The following RNF130 variants were observed in gnomAD, a reference collection of about 807,000 sequenced individuals.
The protein encoded by RNF130 is ring finger protein 130.
RNF130 carries 21 observed loss-of-function variants against 44.6 expected under a neutral mutation model. The observed-to-expected ratio is 0.47, with a 90% CI of 0.33 to 0.68. The LOEUF is 0.68. Among genes scored for constraint, RNF130 ranks in the 30% least tolerant of loss-of-function variants. RNF130 has a pLI of 0.02. For missense variants in RNF130, 479 were observed against 560.6 expected, an observed-to-expected ratio of 0.85 and a Z score of 1.47; for synonymous variants, 214 against 210.4, an observed-to-expected ratio of 1.02 and a Z score of -0.15.
intron 5 of RNF130, 27 bp from the exon 6 acceptor site, chr5:179,970,533 CA>C: frequency 6.5e-7 from 1 of 1,542,898 alleles, no homozygotes; most frequent in South Asian, 1.2e-5. Flanking sequence ...AATTATGTCA[CA>C]AGTTACATAC....
At chr5:179,945,775 G>A (rs1196232701) in intron 7 of RNF130, among the ~76,000 whole-genome samples, 1 of 152,098 alleles carries the variant, frequency 6.6e-6, no homozygotes, top group Non-Finnish European at 1.5e-5. Context: ...TAAATACTAC[G>A]CGCCGCTGCA....
intron 5 of RNF130, among the ~76,000 whole-genome samples, chr5:179,970,865 A>G (rs1762564829): frequency 6.6e-6 from 1 of 152,234 alleles, no homozygotes; most frequent in South Asian, 2.1e-4. Context: ...AGAAAAATGG[A>G]GTTTCAAAAA....
At chr5:179,974,041 G>A (rs191092336) in intron 5 of RNF130, among the ~76,000 whole-genome samples, 2 of 152,198 alleles carry the variant, frequency 1.3e-5, no homozygotes, top group Admixed American at 1.3e-4. Context: ...GGGAGGGGAG[G>A]CCTCTATATT....
chr5:180,048,818 A>G (rs11249665), intron 1 of RNF130, among the ~76,000 whole-genome samples: 1 of 152,120 alleles, frequency 6.6e-6, no homozygotes, highest in East Asian at 1.9e-4. Flanking sequence ...CCAGCAGCAA[A>G]TGAAGTCACA....
chr5:179,927,750 C>T (rs1283864814), intron 7 of RNF130, among the ~76,000 whole-genome samples: 1 of 151,756 alleles, frequency 6.6e-6, no homozygotes, highest in African/African-American at 2.4e-5. Flanking sequence ...CCACGCCTGG[C>T]TAATTTTTTT....
chr5:180,031,507 G>T (rs1000822755), intron 2 of RNF130, among the ~76,000 whole-genome samples: 1 of 152,206 alleles, frequency 6.6e-6, no homozygotes, highest in African/African-American at 2.4e-5. Flanking sequence ...AGTTAAATTT[G>T]GGGGGAGGCA....
intron 1 of RNF130, among the ~76,000 whole-genome samples, chr5:180,044,735 G>C (rs562523911): frequency 2.0e-5 from 3 of 152,222 alleles, no homozygotes; most frequent in African/African-American, 7.2e-5. Context: ...AGAAGGCTGA[G>C]GCAGGAGAAT....
chr5:179,927,252 G>A (rs1407875459), intron 7 of RNF130, among the ~76,000 whole-genome samples: 1 of 152,198 alleles, frequency 6.6e-6, no homozygotes, highest in African/African-American at 2.4e-5. Context: ...TATGAGTCTG[G>A]CTTTGCCAAG....
chr5:180,062,773 T>C (rs1170277624), intron 1 of RNF130, among the ~76,000 whole-genome samples: 1 of 152,230 alleles, frequency 6.6e-6, no homozygotes, highest in African/African-American at 2.4e-5. Flanking sequence ...TACAAGTATC[T>C]GACTGGAATG....
intron 7 of RNF130, chr5:179,920,441 A>G: frequency 1.4e-6 from 1 of 702,302 alleles, no homozygotes; most frequent in Non-Finnish European, 2.6e-6. Context: ...AAAAGGAAGA[A>G]GAGAAAGAGA....
intron 3 of RNF130, among the ~76,000 whole-genome samples, chr5:179,988,186 G>A (rs138126559): frequency 7.2e-4 from 109 of 152,256 alleles, no homozygotes; most frequent in African/African-American, 2.4e-3. Flanking sequence ...TATGTGGCTA[G>A]GAATGTATCC....
intron 3 of RNF130, among the ~76,000 whole-genome samples, chr5:179,991,334 C>T (rs1322974236): frequency 6.6e-6 from 1 of 152,168 alleles, no homozygotes; most frequent in Non-Finnish European, 1.5e-5. Context: ...AGTCCTTTTG[C>T]AATGTATTTG....
intron 7 of RNF130, among the ~76,000 whole-genome samples, chr5:179,943,566 G>A (rs1250545259): frequency 1.3e-5 from 2 of 152,192 alleles, no homozygotes; most frequent in African/African-American, 4.8e-5. Context: ...AGGAAAAGGC[G>A]TAACATGTAT....
intron 3 of RNF130, among the ~76,000 whole-genome samples, chr5:179,990,348 T>C (rs750983128): frequency 1.4e-4 from 21 of 152,224 alleles, no homozygotes; most frequent in Non-Finnish European, 2.6e-4. Flanking sequence ...CATCATTTCT[T>C]CTATGCTCTT....
chr5:179,986,345 C>T lies in RNF130; in HGVS notation c.694-6145G>A, dbSNP rs1008257865. On this transcript the variant is annotated intron_variant, in intron 3 of 8. Coordinates refer to ENST00000521389, the MANE Select transcript of RNF130 (RefSeq NM_018434.6). ...CTATGGTACAAATCAAGCAATACAA[C>T]TTTTTCTTGTAACGTCATGACTTCT... is the stretch of plus-strand genomic sequence containing the variant. Among the ~76,000 whole-genome samples, 7 of 152,334 alleles carry T rather than the reference C, an allele frequency of 4.6e-5. No homozygotes were observed. The Middle Eastern group carries it at 0.014, about 296-fold the overall frequency.
intron 3 of RNF130, among the ~76,000 whole-genome samples, chr5:180,001,806 C>T (rs1763350934): frequency 6.6e-6 from 1 of 152,186 alleles, no homozygotes; most frequent in African/African-American, 2.4e-5. Context: ...TAATTCCACT[C>T]TCCAAGAGGA....
intron 1 of RNF130, among the ~76,000 whole-genome samples, chr5:180,045,449 C>G (rs993718024): frequency 6.6e-5 from 10 of 152,188 alleles, no homozygotes; most frequent in African/African-American, 2.4e-4. Context: ...ATAAAGACCG[C>G]AGGGACCCAA....
chr5:180,030,083 G>T (rs1035023151), intron 2 of RNF130, among the ~76,000 whole-genome samples: 3 of 152,142 alleles, frequency 2.0e-5, no homozygotes, highest in Non-Finnish European at 1.5e-5. Flanking sequence ...TCTGACCTCA[G>T]GTGATCCGCC....
rs182251978 is a variant in RNF130, at chr5:180,062,420, A to C, written c.247+9036T>G. On this transcript the variant is annotated intron_variant, in intron 1 of 8. Coordinates refer to ENST00000521389, the MANE Select transcript of RNF130 (RefSeq NM_018434.6). ...CATGAGAGCTCTGCCCTCATGACCTAATCACCACCAAAGGCCCCACCTCTT... is the reference window on the plus strand; with the variant it reads ...CATGAGAGCTCTGCCCTCATGACCTCATCACCACCAAAGGCCCCACCTCTT... Among the ~76,000 whole-genome samples the C allele has an allele frequency of 4.4e-3, 671 of 152,122 alleles. 7 individuals carry two copies. The highest frequency in any genetic ancestry group is 0.015 in the African/African-American group (640 of 41,506).
Sources: gnomAD v4.1 joint callset for allele counts (sites outside exome capture counted in the v4.1 genomes callset) on GRCh38, gnomAD v4.1.1 for gene constraint, MANE v1.5 for transcripts, NCBI Gene and HGNC (gene_info 2026-07-23, HGNC 2026-07-21) for gene names.